TPRG1: variants seen among roughly 807,000 people sequenced by gnomAD.
The protein encoded by TPRG1 is tumor protein p63 regulated 1.
TPRG1 carries 29 observed loss-of-function variants against 29.3 expected under a neutral mutation model. That is an observed-to-expected ratio of 0.99 (90% CI 0.74 to 1.35). TPRG1 has a LOEUF of 1.35. Ranked by LOEUF, TPRG1 falls within the 40% of genes most tolerant of loss-of-function variation. The probability of loss-of-function intolerance (pLI) is 0.00; values close to 1 mark genes in which losing one functional copy is unlikely to be tolerated. For missense variants in TPRG1, 327 were observed against 335.0 expected, an observed-to-expected ratio of 0.98 and a Z score of 0.19; for synonymous variants, 130 against 116.8, an observed-to-expected ratio of 1.11 and a Z score of -0.73.
chr3:189,237,686 A>C (rs1578972611), intron 3 of TPRG1, among the ~76,000 whole-genome samples: 1 of 152,176 alleles, frequency 6.6e-6, no homozygotes, highest in African/African-American at 2.4e-5. Flanking sequence ...TATTTAATAA[A>C]GTGAACAAGG....
At chr3:189,236,616 T>C (rs1370032358) in intron 3 of TPRG1, among the ~76,000 whole-genome samples, 1 of 152,208 alleles carries the variant, frequency 6.6e-6, no homozygotes, top group Non-Finnish European at 1.5e-5. Flanking sequence ...TACCACTAAC[T>C]GTACTATGGT....
chr3:189,104,349 C>T (rs115700131), intron 1 of TPRG1, among the ~76,000 whole-genome samples: 4,358 of 152,138 alleles, frequency 0.029, 66 homozygotes, highest in Middle Eastern at 0.058. Flanking sequence ...TATCCTAGCA[C>T]TCATCTGGGT....
chr3:189,152,433 A>G (rs1447620368), intron 5 of TPRG1, among the ~76,000 whole-genome samples: 2 of 152,202 alleles, frequency 1.3e-5, no homozygotes, highest in Non-Finnish European at 2.9e-5. Flanking sequence ...TGAAGGGTAC[A>G]TGTGGACGGT....
At chr3:189,168,828 T>C (rs1396650847), upstream of TPRG1, among the ~76,000 whole-genome samples, 1 of 152,174 alleles carries the variant, frequency 6.6e-6, no homozygotes, top group Non-Finnish European at 1.5e-5. Context: ...CCCCCAGTGA[T>C]GCATGTTTAT....
chr3:189,218,288 T>G (rs184941348), intron 3 of TPRG1, among the ~76,000 whole-genome samples: 24 of 147,102 alleles, frequency 1.6e-4, no homozygotes, highest in East Asian at 9.9e-4. Context: ...TAATTTTTTG[T>G]TTTTTTTTTA....
chr3:189,173,838 AG>A, intron 1 of TPRG1, among the ~76,000 whole-genome samples: 1 of 152,108 alleles, frequency 6.6e-6, no homozygotes, highest in East Asian at 1.9e-4. Context: ...TCCAATTAAG[AG>A]TTTTAGGGCA....
chr3:189,205,983 G>A (rs1349429603), intron 1 of TPRG1, among the ~76,000 whole-genome samples: 1 of 139,604 alleles, frequency 7.2e-6, no homozygotes, highest in African/African-American at 2.6e-5. Context: ...TACCATACAT[G>A]TGTGCCTGTA....
At chr3:189,220,004 A>G (rs1736710423) in intron 3 of TPRG1, among the ~76,000 whole-genome samples, 1 of 152,180 alleles carries the variant, frequency 6.6e-6, no homozygotes, top group African/African-American at 2.4e-5. Flanking sequence ...GTCATAGAGA[A>G]AGCACTGAAT....
chr3:189,146,616 G>A (rs897427867), intron 3 of TPRG1, among the ~76,000 whole-genome samples: 22 of 152,148 alleles, frequency 1.4e-4, no homozygotes, highest in African/African-American at 4.3e-4. Flanking sequence ...TATAATTGCT[G>A]TGGATGCATC....
chr3:189,015,482 A>G (rs1306286196), intron 3 of TPRG1, among the ~76,000 whole-genome samples: 2 of 152,222 alleles, frequency 1.3e-5, no homozygotes, highest in South Asian at 4.1e-4. Context: ...AGAAATTTGC[A>G]TAAGTAAAGA....
chr3:189,229,343 A>C (rs1738279268), intron 3 of TPRG1, among the ~76,000 whole-genome samples: 1 of 152,232 alleles, frequency 6.6e-6, no homozygotes, highest in African/African-American at 2.4e-5. Context: ...ACTTCTCTTA[A>C]CTGGCAGGCA....
At chr3:189,084,318 C>T (rs539206324) in intron 4 of TPRG1, among the ~76,000 whole-genome samples, 75 of 152,196 alleles carry the variant, frequency 4.9e-4, no homozygotes, top group Non-Finnish European at 7.9e-4. Flanking sequence ...AATACCAATA[C>T]GTATGAGCTT....
intron 1 of TPRG1, among the ~76,000 whole-genome samples, chr3:189,187,117 G>T (rs2108725671): frequency 6.7e-6 from 1 of 149,004 alleles, no homozygotes; most frequent in African/African-American, 2.5e-5. Flanking sequence ...CTCCTGAGTA[G>T]CTGGGATCAC....
chr3:189,260,132 G>T (rs994521524), intron 4 of TPRG1, among the ~76,000 whole-genome samples: 1 of 152,092 alleles, frequency 6.6e-6, no homozygotes, highest in South Asian at 2.1e-4. Context: ...TCCATGCGTC[G>T]GTCTTCCCAT....
chr3:189,061,084 G>T (rs999968954), intron 4 of TPRG1, among the ~76,000 whole-genome samples: 2 of 152,200 alleles, frequency 1.3e-5, no homozygotes, highest in Admixed American at 6.5e-5. Context: ...CATGATACTG[G>T]TATGAAAATA....
chr3:189,290,911 T>C (rs1718884047), intron 4 of TPRG1, among the ~76,000 whole-genome samples: 1 of 152,128 alleles, frequency 6.6e-6, no homozygotes, highest in African/African-American at 2.4e-5. Flanking sequence ...TTCTTTTTGT[T>C]GTTGTTGTTG....
chr3:189,049,049 A>G (rs1323696552), intron 4 of TPRG1, among the ~76,000 whole-genome samples: 2 of 152,172 alleles, frequency 1.3e-5, no homozygotes, highest in African/African-American at 4.8e-5. Context: ...CTGGGAGGGT[A>G]GCCAGAGGAG....
chr3:189,215,280 C>T lies in TPRG1; in HGVS notation c.211-12C>T. ...TCTGCTCTAAACTAGGTATTTTCTCCTTTCCACACAGCCGGGGGCCATTGA... is the reference window on the plus strand; with the variant it reads ...TCTGCTCTAAACTAGGTATTTTCTCTTTTCCACACAGCCGGGGGCCATTGA... On this transcript the variant is annotated splice_polypyrimidine_tract_variant and intron_variant, in intron 2 of 5. Coordinates refer to ENST00000345063, the MANE Select transcript of TPRG1 (RefSeq NM_198485.4). The T allele has an allele frequency of 6.2e-7, 1 of 1,605,164 alleles. No homozygotes were observed. Among genetic ancestry groups the T allele is most frequent in the Non-Finnish European group, 8.5e-7 (1 of 1,176,990 alleles).
chr3:189,115,678 A>G (rs1214010362), intron 1 of TPRG1, among the ~76,000 whole-genome samples: 1 of 152,226 alleles, frequency 6.6e-6, no homozygotes, highest in Non-Finnish European at 1.5e-5. Context: ...TGAATGAGAC[A>G]TGGTCTCTAA....
Sources: gnomAD v4.1 joint callset for allele counts (sites outside exome capture counted in the v4.1 genomes callset) on GRCh38, gnomAD v4.1.1 for gene constraint, MANE v1.5 for transcripts, NCBI Gene and HGNC (gene_info 2026-07-23, HGNC 2026-07-21) for gene names.